Variants in CELF2 observed in about 807,000 individuals in gnomAD.
The protein encoded by CELF2 is CUGBP Elav-like family member 2.
CELF2 carries 8 observed loss-of-function variants against 62.6 expected under a neutral mutation model. The observed-to-expected ratio is 0.13, with a 90% CI of 0.07 to 0.23. CELF2 has a LOEUF of 0.23. Among genes scored for constraint, CELF2 ranks in the 10% least tolerant of loss-of-function variants. The probability of loss-of-function intolerance (pLI) is 1.00; values close to 1 mark genes in which losing one functional copy is unlikely to be tolerated. For missense variants in CELF2, 333 were observed against 671.0 expected (o/e 0.50, Z 5.56); for synonymous variants, 258 against 250.0 (o/e 1.03, Z -0.30).
At chr10:11,042,822 A>C (rs1486903398) in intron 1 of CELF2, among the ~76,000 whole-genome samples, 2 of 152,090 alleles carry the variant, frequency 1.3e-5, no homozygotes, top group Non-Finnish European at 2.9e-5. Flanking sequence ...GCTTTTGTTT[A>C]ACTTATGATG....
chr10:10,890,315 A>G (rs1157384886), intron 1 of CELF2, among the ~76,000 whole-genome samples: 1 of 152,188 alleles, frequency 6.6e-6, no homozygotes, highest in Non-Finnish European at 1.5e-5. Context: ...ACAGTAAAGT[A>G]GAAAGGAAGG....
chr10:11,040,324 C>T (rs1375507139), intron 1 of CELF2, among the ~76,000 whole-genome samples: 3 of 152,162 alleles, frequency 2.0e-5, no homozygotes, highest in Non-Finnish European at 4.4e-5. Context: ...GTTTCGAAAA[C>T]ACACTGTCTT....
intron 3 of CELF2, among the ~76,000 whole-genome samples, chr10:11,233,182 G>T (rs935922671): frequency 6.6e-6 from 1 of 152,178 alleles, no homozygotes; most frequent in Admixed American, 6.5e-5. Flanking sequence ...TTGGGCCTGG[G>T]CTACAGCTCA....
chr10:11,251,020 G>A (rs1465229601), intron 4 of CELF2, among the ~76,000 whole-genome samples: 1 of 152,134 alleles, frequency 6.6e-6, no homozygotes, highest in Non-Finnish European at 1.5e-5. Context: ...GATGACTCTT[G>A]TATTTTGGGA....
chr10:10,797,619 G>A (rs1353515050), upstream of CELF2, among the ~76,000 whole-genome samples: 1 of 152,144 alleles, frequency 6.6e-6, no homozygotes, highest in African/African-American at 2.4e-5. Flanking sequence ...CATGTTGCAG[G>A]CAGCTGCAGC....
At chr10:10,625,800 A>C in the CELF2 span, among the ~76,000 whole-genome samples, 1 of 152,238 alleles carries the variant, frequency 6.6e-6, no homozygotes, top group South Asian at 2.1e-4. Flanking sequence ...CTGAAGCCCC[A>C]GAGGAACAGG....
chr10:10,888,282 A>G (rs1269980730), intron 1 of CELF2, among the ~76,000 whole-genome samples: 1 of 152,208 alleles, frequency 6.6e-6, no homozygotes, highest in Non-Finnish European at 1.5e-5. Context: ...TGCTTACTGG[A>G]CACATTCTGA....
the CELF2 span, among the ~76,000 whole-genome samples, chr10:10,603,376 T>C: frequency 2.6e-5 from 4 of 152,050 alleles, no homozygotes; most frequent in African/African-American, 9.7e-5. Context: ...TTCGCATTTC[T>C]AGGCAATGCA....
At chr10:11,090,532 G>C (rs2048032542) in intron 1 of CELF2, among the ~76,000 whole-genome samples, 1 of 152,136 alleles carries the variant, frequency 6.6e-6, no homozygotes, top group Non-Finnish European at 1.5e-5. Flanking sequence ...AGACTCACTT[G>C]AGAGGACATT....
chr10:11,129,110 G>A (rs2059202945), intron 1 of CELF2, among the ~76,000 whole-genome samples: 1 of 152,120 alleles, frequency 6.6e-6, no homozygotes, highest in Admixed American at 6.5e-5. Flanking sequence ...TTTGTCAAAG[G>A]CCTATTCTGC....
upstream of CELF2, among the ~76,000 whole-genome samples, chr10:11,002,483 G>C (rs2054616738): frequency 6.6e-6 from 1 of 152,178 alleles, no homozygotes; most frequent in Non-Finnish European, 1.5e-5. This position sits in a 1 kb window ranked among gnomAD's most constrained non-coding sequence, Gnocchi z 4.4. Flanking sequence ...CGAGTATGCG[G>C]ATCTCTGTGC....
At chr10:11,049,958 GCTGCTGGTTCCCCATGCCAC>G (rs1334031104) in intron 1 of CELF2, among the ~76,000 whole-genome samples, 2 of 152,324 alleles carry the variant, frequency 1.3e-5, no homozygotes, top group East Asian at 1.9e-4. Flanking sequence ...ATAAACACTT[GCTGCTGGTTCCCCATGCCAC>G]CTGCTGGTTC....
intron 4 of CELF2, among the ~76,000 whole-genome samples, chr10:11,254,021 A>G (rs1415673978): frequency 6.6e-6 from 1 of 152,212 alleles, no homozygotes; most frequent in Non-Finnish European, 1.5e-5. Flanking sequence ...GGTTGAAAAA[A>G]TAAGTGAGAT....
At chr10:11,203,342 C>T (rs1323028675) in intron 2 of CELF2, among the ~76,000 whole-genome samples, 1 of 152,238 alleles carries the variant, frequency 6.6e-6, no homozygotes, top group Non-Finnish European at 1.5e-5. Flanking sequence ...GATAAATCCT[C>T]TTCCTACCTG....
intron 1 of CELF2, among the ~76,000 whole-genome samples, chr10:11,060,853 T>C (rs2066549003): frequency 6.6e-6 from 1 of 152,198 alleles, no homozygotes; most frequent in Non-Finnish European, 1.5e-5. Flanking sequence ...TGTTTCAGGG[T>C]GTCAGGAACA....
At chr10:11,084,129 A>G (rs2074772285) in intron 1 of CELF2, among the ~76,000 whole-genome samples, 1 of 152,264 alleles carries the variant, frequency 6.6e-6, no homozygotes, top group African/African-American at 2.4e-5. Flanking sequence ...TTCCTCCAGA[A>G]GAATTTACTA....
At chr10:10,768,811 T>A in the CELF2 span, among the ~76,000 whole-genome samples, 1 of 152,094 alleles carries the variant, frequency 6.6e-6, no homozygotes, top group Non-Finnish European at 1.5e-5. Flanking sequence ...TGACCTCAAG[T>A]GATCCACCCA....
intron 1 of CELF2, among the ~76,000 whole-genome samples, chr10:11,137,030 CAT>C (rs897078255): frequency 6.6e-6 from 1 of 151,996 alleles, no homozygotes; most frequent in African/African-American, 2.4e-5. Flanking sequence ...TAAATACATA[CAT>C]ATATGTGTAT....
chr10:11,253,628 C>T (rs776247866), intron 4 of CELF2, among the ~76,000 whole-genome samples: 20 of 152,180 alleles, frequency 1.3e-4, no homozygotes, highest in African/African-American at 2.4e-4. Context: ...ATTGTACACG[C>T]GGGTGTTAGC....
Sources: allele counts gnomAD v4.1 joint callset (sites outside exome capture counted in the v4.1 genomes callset), GRCh38; gene constraint gnomAD v4.1.1; non-coding constraint Gnocchi (gnomAD v3.1); transcripts MANE v1.5; gene names NCBI Gene and HGNC (gene_info 2026-07-23, HGNC 2026-07-21).